Variants in ITGA5 observed in about 807,000 individuals in gnomAD.
The protein encoded by ITGA5 is integrin subunit alpha 5, also known as integrin alpha-5.
In ITGA5, 55 loss-of-function variants were observed where a neutral mutation model predicts 146.3. The observed-to-expected ratio is 0.38, with a 90% confidence interval of 0.30 to 0.47. The LOEUF is 0.47. Ranked by LOEUF, ITGA5 falls within the 20% of genes least tolerant of loss-of-function variation. ITGA5 has a pLI of 0.99. For synonymous variants in ITGA5, 500 were observed against 531.8 expected (o/e 0.94, Z 0.82); for missense variants, 1,131 against 1,329.0 (o/e 0.85, Z 2.32).
Position 54,419,184 on chromosome 12 carries a change from C to A in ITGA5, c.15G>T (p.Thr5=). MGSR[T]PESPLHAVQL... The stretch of plus-strand genomic sequence containing the variant: ...GCACGGCGTGGAGAGGGGACTCTGG[C>A]GTCCGGCTCCCCATAGCGCCCGCTC... Residue 5 remains threonine (T), a synonymous_variant, in exon 1 of 30, where the codon ACG becomes ACT. Coordinates refer to ENST00000293379, the MANE Select transcript of ITGA5 (RefSeq NM_002205.5). The A allele has an allele frequency of 1.3e-6, 2 of 1,564,620 alleles. No homozygotes were observed. The highest frequency in any genetic ancestry group is 2.4e-5 in the East Asian group (1 of 42,104).
Position 54,401,122 on chromosome 12 carries a change from G to C in ITGA5, c.2494-127C>G. ...CCTATCTCAGAGATGAAGCAGGGAA[G>C]CAATGGGCAGAGGTGAAATCCTCTC... On this transcript the variant is annotated intron_variant, in intron 24 of 29. Transcript: ENST00000293379. The surrounding 1 kb of genome is among the most constrained non-coding windows in gnomAD (Gnocchi z 5.0). 2 of 1,006,464 alleles carry C rather than the reference G, an allele frequency of 2.0e-6. No homozygotes were observed. The highest frequency in any genetic ancestry group is 2.9e-6 in the Non-Finnish European group (2 of 687,872). 62.3% of individuals were successfully genotyped at this position (1,006,464 alleles called of 1,614,324 possible). A position where few individuals can be genotyped will look rare whatever the true frequency, so the allele number is the denominator to read the frequency against.
intron 9 of ITGA5, chr12:54,407,277 T>C (rs928002942): frequency 4.1e-6 from 1 of 246,576 alleles, no homozygotes; most frequent in African/African-American, 2.2e-5. Flanking sequence ...CCGATGGCAC[T>C]CTTATCTGTA....
At chr12:54,415,807 T>G (rs994584207) in intron 1 of ITGA5, among the ~76,000 whole-genome samples, 8 of 152,272 alleles carry the variant, frequency 5.3e-5, no homozygotes, top group Non-Finnish European at 1.2e-4. Context: ...CCCTAGTGCA[T>G]TCACAAGGGA....
Position 54,405,724 on chromosome 12 carries a change from G to A in ITGA5, c.964-8C>T. The A allele has an allele frequency of 6.2e-7, 1 of 1,613,934 alleles. No individual in the cohort carries two copies. Among genetic ancestry groups the A allele is most frequent in the South Asian group, 1.1e-5 (1 of 91,078 alleles). On this transcript the variant is annotated splice_polypyrimidine_tract_variant and splice_region_variant and intron_variant, in intron 10 of 29. Coordinates refer to ENST00000293379, the MANE Select transcript of ITGA5 (RefSeq NM_002205.5). Reference sequence around the variant, plus strand: ...GCCAAAGTAGGAGGCCATCTGGGGAGGACAAAGGGGCAGCGCTGGGTCAGA... The same window carrying A: ...GCCAAAGTAGGAGGCCATCTGGGGAAGACAAAGGGGCAGCGCTGGGTCAGA...
intron 2 of ITGA5, among the ~76,000 whole-genome samples, chr12:54,410,254 G>A (rs930459407): frequency 2.6e-5 from 4 of 152,102 alleles, no homozygotes; most frequent in Non-Finnish European, 4.4e-5. Flanking sequence ...AGGATGGTGG[G>A]GAACAGTGGC....
chr12:54,399,885 A>G lies in ITGA5; in HGVS notation c.2706T>C (p.Ala902=), dbSNP rs1167710734. ...TTACCAGGATCTGAGGTCCCGAGGA[A>G]GCAGAGCTGCGGCTTGGAGCTTCCC... ...QKREAPSRSS[A]SSGPQILKCP... is the part of the protein sequence containing the mutation. Residue 902 remains alanine, a synonymous_variant, in exon 26 of 30, where the codon GCT becomes GCC. Transcript: ENST00000293379. 1.9e-6 allele frequency: 3 copies of G among 1,614,004 alleles called. No individual in the cohort carries two copies. Among genetic ancestry groups the G allele is most frequent in the African/African-American group, 1.3e-5 (1 of 74,922 alleles).
chr12:54,412,802 C>T (rs914771536), intron 1 of ITGA5, among the ~76,000 whole-genome samples: 6 of 152,162 alleles, frequency 3.9e-5, no homozygotes, highest in Admixed American at 2.0e-4. Context: ...CCTCATTCAT[C>T]CCTAGGTCTC....
In ITGA5 at chr12:54,403,259, G is replaced by T; in HGVS notation, c.1842C>A (p.Pro614=). ...GGCCGTGGCTGTCCACTGGGGCTTG[G>T]GGGTCCAAGGAGAAGTTGAGAGCGA... ...IHIALNFSLD[P]QAPVDSHGLR... is the part of the protein sequence containing the mutation. Residue 614 remains proline (P), a synonymous_variant, in exon 18 of 30, where the codon CCC becomes CCA. Transcript: ENST00000293379. This position sits in a 1 kb window ranked among gnomAD's most constrained non-coding sequence, Gnocchi z 4.9. The T allele has an allele frequency of 7.0e-6, 11 of 1,566,576 alleles. No individual in the cohort carries two copies. The highest frequency in any genetic ancestry group is 9.5e-6 in the Non-Finnish European group (11 of 1,159,728).
intron 1 of ITGA5, among the ~76,000 whole-genome samples, chr12:54,414,544 G>A (rs936396776): frequency 2.6e-5 from 4 of 151,946 alleles, no homozygotes; most frequent in Non-Finnish European, 5.9e-5. Context: ...GATGTTTTTG[G>A]TTAATAAAAA....
intron 25 of ITGA5, 106 bp downstream of exon 25, chr12:54,400,740 G>T: frequency 8.8e-7 from 1 of 1,141,262 alleles, no homozygotes. Context: ...CTAGCTATAG[G>T]CACATCCTCA....
intron 27 of ITGA5, among the ~76,000 whole-genome samples, chr12:54,399,143 G>A (rs904694387): frequency 2.0e-5 from 3 of 152,070 alleles, no homozygotes; most frequent in Non-Finnish European, 4.4e-5. Context: ...CACTGTGCCT[G>A]GCCCGTGAGC....
chr12:54,396,040 T>A lies in ITGA5; in HGVS notation c.*253A>T, dbSNP rs1248981053. 2 of 421,188 alleles carry A rather than the reference T, an allele frequency of 4.7e-6. No individual in the cohort carries two copies. The allele number at this position is 421,188 out of a possible 1,614,324, so 26.1% of individuals were successfully genotyped here. ...AAGGCTTCAGGGAGGCTGGGGCCTC[T>A]GTCCCTGGATCTGAGTTCCCCCATC... On this transcript the variant is annotated 3_prime_UTR_variant, in exon 30 of 30. Transcript: ENST00000293379.
intron 2 of ITGA5, 53 bp downstream of exon 2, chr12:54,411,781 C>G: frequency 7.2e-7 from 1 of 1,379,558 alleles, no homozygotes; most frequent in Non-Finnish European, 9.6e-7. Flanking sequence ...CCAGGCCTTG[C>G]CCCCAGGCTG....
chr12:54,411,920 G>A lies in ITGA5; in HGVS notation c.263C>T (p.Pro88Leu). ...GACAGCACCACCCTGCAGCACTCCT[G>A]GCTGGCTGGTATTAGCCTTGGGTGC... is the stretch of plus-strand genomic sequence containing the variant. ...VGAPKANTSQ[P>L]GVLQGGAVYL... is the part of the protein sequence containing the mutation. The change falls in exon 2 of 30, where the codon CCA (proline) becomes CTA (leucine). Residue 88 changes from proline to leucine, a missense_variant. By Grantham distance (98) the Pro-to-Leu change is moderately conservative. Around this residue, in one of 3 missense-constraint regions of ITGA5, gnomAD observed 175 missense variants for 179.3 expected, o/e 0.98. Transcript: ENST00000293379. 6.2e-7 allele frequency: 1 copy of A among 1,605,448 alleles called. No homozygotes were observed. The highest frequency in any genetic ancestry group is 8.5e-7 in the Non-Finnish European group (1 of 1,175,650).
Position 54,401,950 on chromosome 12 carries a change from G to A in ITGA5, c.2226+51C>T, listed in dbSNP as rs563176093. On this transcript the variant is annotated intron_variant, in intron 21 of 29. Coordinates refer to ENST00000293379, the MANE Select transcript of ITGA5 (RefSeq NM_002205.5). This position sits in a 1 kb window ranked among gnomAD's most constrained non-coding sequence, Gnocchi z 5.0. ...CTGTGCTCTCGGCTGGCTGGTTACC[G>A]CCCTCAGGTCTGCTCTCCCTCTGTC... The A allele has an allele frequency of 1.8e-5, 29 of 1,600,148 alleles. No individual in the cohort carries two copies. Among genetic ancestry groups the A allele is most frequent in the Admixed American group, 1.0e-4 (6 of 59,930 alleles).
At position 54,401,462 on chromosome 12, in the gene ITGA5, C is replaced by T. The variant is rs755641220; in HGVS notation, c.2404G>A (p.Ala802Thr). The change falls in exon 24 of 30, where the codon GCA becomes ACA. Residue 802 changes from alanine (A) to threonine (T), a missense_variant. By Grantham distance (58) the Ala-to-Thr change is moderately conservative. Transcript: ENST00000293379. This position sits in a 1 kb window ranked among gnomAD's most constrained non-coding sequence, Gnocchi z 5.0. ...VTLNGVSKPE[A>T]VLFPVSDWHP... ...CAGTCGCTTACTGGGAATAGCACTG[C>T]CTCAGGCTTGGAGACACTAAGGAGG... 15 of 1,613,928 alleles carry T rather than the reference C, an allele frequency of 9.3e-6. No homozygotes were observed. The highest frequency in any genetic ancestry group is 1.6e-4 in the Middle Eastern group (1 of 6,062).
At position 54,419,238 on chromosome 12, in the gene ITGA5, G is replaced by A. The variant is rs1364378173; in HGVS notation, c.-40C>T. 6.5e-7 allele frequency: 1 copy of A among 1,545,644 alleles called. No homozygotes were observed. Among genetic ancestry groups the A allele is most frequent in the South Asian group, 1.2e-5 (1 of 84,154 alleles). On this transcript the variant is annotated 5_prime_UTR_variant, in exon 1 of 30. Transcript: ENST00000293379. ...CCTGTCCTGGGGCCACCGACCCGGA[G>A]CCGCTTCCTAAACCTCCCAGAGGCG...
At position 54,404,232 on chromosome 12, in the gene ITGA5, A is replaced by G; in HGVS notation, c.1478T>C (p.Val493Ala). 3 of 1,601,172 alleles carry G rather than the reference A, an allele frequency of 1.9e-6. No homozygotes were observed. The highest frequency in any genetic ancestry group is 2.6e-6 in the Non-Finnish European group (3 of 1,173,526). The change falls in exon 15 of 30, where the codon GTG (valine) becomes GCG (alanine). Residue 493 changes from valine (V) to alanine (A), a missense_variant. Transcript: ENST00000293379. ...GATGGTGAGGGAGGCACTAGCGGAC[A>G]CGATGGGGCGGCCCCTGCCAAGAGT... ...KAVVYRGRPI[V>A]SASASLTIFP...
intron 5 of ITGA5, 34 bp downstream of exon 5, chr12:54,408,859 C>A: frequency 6.2e-7 from 1 of 1,613,600 alleles, no homozygotes; most frequent in Non-Finnish European, 8.5e-7. Flanking sequence ...TGTCCACCAC[C>A]CACGGCCCCT....
Sources: gnomAD v4.1 joint callset for allele counts (sites outside exome capture counted in the v4.1 genomes callset) on GRCh38, gnomAD v4.1.1 for gene constraint, gnomAD v4.1.1 regional missense constraint, Gnocchi (gnomAD v3.1) non-coding constraint, MANE v1.5 for transcripts, NCBI Gene and HGNC (gene_info 2026-07-23, HGNC 2026-07-21) for gene names.